Variants in RNF2 observed in about 807,000 individuals in gnomAD.
RNF2 encodes the protein ring finger protein 2, also known as E3 ubiquitin-protein ligase RING2.
A neutral mutation model predicts 37.2 loss-of-function variants in RNF2; 6 were observed. That is an observed-to-expected ratio of 0.16 (90% CI 0.09 to 0.32). The LOEUF is 0.32. RNF2 is among the 10% of genes least tolerant of loss of function. RNF2 has a pLI of 1.00. For synonymous variants in RNF2, 133 were observed against 132.7 expected (o/e 1.00, Z -0.02); for missense variants, 251 against 404.0 (o/e 0.62, Z 3.25).
At chr1:185,045,815 C>T (rs1650097006) in intron 1 of RNF2, among the ~76,000 whole-genome samples, 166 bp downstream of exon 1, 1 of 152,260 alleles carries the variant, frequency 6.6e-6, no homozygotes, top group East Asian at 2.0e-4. Flanking sequence ...CGGCCGCTCT[C>T]GCGGCGGAGA....
At chr1:185,100,157 GT>G in intron 6 of RNF2, 42 bp from the exon 7 acceptor site, 1 of 1,441,186 alleles carries the variant, frequency 6.9e-7, no homozygotes, top group Non-Finnish European at 9.5e-7. Flanking sequence ...TATTATTGTG[GT>G]TTGTGCAGTT....
chr1:185,096,863 G>A (rs958274277), intron 4 of RNF2, among the ~76,000 whole-genome samples: 26 of 146,412 alleles, frequency 1.8e-4, no homozygotes, highest in Admixed American at 6.1e-4. Context: ...TAAAGCATGA[G>A]TTCTTGAGCA....
chr1:185,058,288 T>G (rs1320266283), intron 1 of RNF2, among the ~76,000 whole-genome samples: 5 of 152,224 alleles, frequency 3.3e-5, no homozygotes, highest in African/African-American at 1.2e-4. Context: ...ATGTAAGGGA[T>G]TTGAATATCT....
chr1:185,082,367 T>TTTTTTTTTTTTG (rs60213064), intron 1 of RNF2, among the ~76,000 whole-genome samples: 3 of 113,240 alleles, frequency 2.6e-5, no homozygotes, highest in African/African-American at 1.0e-4. Flanking sequence ...TTTTTTTTTT[T>TTTTTTTTTTTTG]GAAGACAGAG....
intron 4 of RNF2, among the ~76,000 whole-genome samples, chr1:185,095,483 G>C (rs577783929): frequency 1.3e-5 from 2 of 149,914 alleles, no homozygotes; most frequent in South Asian, 2.1e-4. Flanking sequence ...CTAGGACTCT[G>C]TAATTCCTTA....
At chr1:185,073,437 T>C (rs17314171) in intron 1 of RNF2, among the ~76,000 whole-genome samples, 8,503 of 152,302 alleles carry the variant, frequency 0.056, 331 homozygotes, top group Middle Eastern at 0.12. Context: ...ATTCTTTTAT[T>C]CAGCCAAAGA....
Position 185,100,538 on chromosome 1 carries a change from C to A in RNF2, c.*237C>A. On this transcript the variant is annotated 3_prime_UTR_variant, in exon 7 of 7. Transcript: ENST00000367510. Reference sequence around the variant, plus strand: ...CTTTAAAAAAATATATCTGAAGTTTCTTGTGTTTTTTTTTTTCCCCACAAA... The same window carrying A: ...CTTTAAAAAAATATATCTGAAGTTTATTGTGTTTTTTTTTTTCCCCACAAA... The A allele has an allele frequency of 3.4e-6, 1 of 291,892 alleles. No homozygotes were observed. The highest frequency in any genetic ancestry group is 6.0e-6 in the Non-Finnish European group (1 of 166,722). The allele number at this position is 291,892 out of a possible 1,614,324, so 18.1% of individuals were successfully genotyped here.
intron 1 of RNF2, among the ~76,000 whole-genome samples, chr1:185,086,203 C>T (rs1651596385): frequency 1.3e-5 from 2 of 152,100 alleles, no homozygotes; most frequent in Admixed American, 1.3e-4. Flanking sequence ...GTCTGTACTC[C>T]TGCTTAGACT....
In RNF2 at chr1:185,082,345, CTTTTTTTTTTTTTT is replaced by C. The variant is rs3036553; in HGVS notation, c.-2-5198_-2-5185del. ...CAAGGTTCTTGTCTCCTCTGCAGAA[CTTTTTTTTTTTTTT>C]TTTTTTTTGAAGACAGAGTCTTGCT... On this transcript the variant is annotated intron_variant, in intron 1 of 6. Transcript: ENST00000367510. 5.6e-5 allele frequency among the ~76,000 whole-genome samples: 4 copies of C among 71,988 alleles called. No individual in the cohort carries two copies. In the South Asian group the frequency reaches 1.6e-3, roughly 28 times the overall value. 47.2% of individuals were successfully genotyped at this position (71,988 alleles called of 152,430 possible). A position where few individuals can be genotyped will look rare whatever the true frequency, so the allele number is the denominator to read the frequency against.
At chr1:185,050,313 T>C (rs748699527) in intron 1 of RNF2, among the ~76,000 whole-genome samples, 117 of 152,360 alleles carry the variant, frequency 7.7e-4, no homozygotes, top group Non-Finnish European at 1.4e-3. Flanking sequence ...TGCTATGTTT[T>C]GGGAGCCCAA....
chr1:185,080,781 C>G (rs1475999968), intron 1 of RNF2, among the ~76,000 whole-genome samples: 1 of 152,182 alleles, frequency 6.6e-6, no homozygotes, highest in Non-Finnish European at 1.5e-5. Flanking sequence ...ATATCCAAAT[C>G]AGATATAATT....
At chr1:185,099,683 A>G in intron 5 of RNF2, 108 bp from the exon 6 acceptor site, 1 of 875,316 alleles carries the variant, frequency 1.1e-6, no homozygotes, top group Non-Finnish European at 1.8e-6. Flanking sequence ...TAATTGAGAC[A>G]TTGCCATTTT....
At chr1:185,045,928 T>G (rs999868803) in intron 1 of RNF2, among the ~76,000 whole-genome samples, 2 of 152,114 alleles carry the variant, frequency 1.3e-5, no homozygotes, top group African/African-American at 4.8e-5. Context: ...CCGGGATTCC[T>G]TCCTTCGCCG....
intron 6 of RNF2, 42 bp from the exon 7 acceptor site, chr1:185,100,158 T>A (rs1356358801): frequency 3.5e-6 from 5 of 1,443,902 alleles, no homozygotes; most frequent in Non-Finnish European, 4.8e-6. Flanking sequence ...ATTATTGTGG[T>A]TTGTGCAGTT....
chr1:185,081,590 G>C (rs1651407330), intron 1 of RNF2, among the ~76,000 whole-genome samples: 1 of 141,626 alleles, frequency 7.1e-6, no homozygotes. Flanking sequence ...GACGGGTGGG[G>C]TGGGGGGGGG....
intron 1 of RNF2, among the ~76,000 whole-genome samples, chr1:185,066,160 C>T (rs1307947587): frequency 6.6e-6 from 1 of 152,138 alleles, no homozygotes; most frequent in African/African-American, 2.4e-5. Context: ...TTCTCAGATC[C>T]ATCCTTTACT....
chr1:185,074,809 A>T (rs1651096596), intron 1 of RNF2, among the ~76,000 whole-genome samples: 1 of 152,162 alleles, frequency 6.6e-6, no homozygotes, highest in African/African-American at 2.4e-5. Flanking sequence ...TAAGTAATCT[A>T]GAGATGATTT....
intron 1 of RNF2, among the ~76,000 whole-genome samples, chr1:185,076,265 GTTGTTTTTTTTTTTTTTTTTTTTTT>G (rs1557967385): frequency 2.5e-5 from 1 of 39,540 alleles, no homozygotes; most frequent in Non-Finnish European, 5.8e-5. Flanking sequence ...TCTTTTATGG[GTTGTTTTTTTTTTTTTTTTTTTTTT>G]TTTTTTTTTT....
intron 1 of RNF2, among the ~76,000 whole-genome samples, chr1:185,051,087 T>C (rs1650258939): frequency 1.3e-5 from 2 of 152,246 alleles, no homozygotes; most frequent in African/African-American, 4.8e-5. Flanking sequence ...GTTCTGCTTG[T>C]TTCCCACACC....
Sources: gnomAD v4.1 joint callset for allele counts (sites outside exome capture counted in the v4.1 genomes callset) on GRCh38, gnomAD v4.1.1 for gene constraint, MANE v1.5 for transcripts, NCBI Gene and HGNC (gene_info 2026-07-23, HGNC 2026-07-21) for gene names.